The following PRRC2B variants were observed in gnomAD, a reference collection of about 807,000 sequenced individuals.
PRRC2B encodes the protein protein PRRC2B.
In PRRC2B, 68 loss-of-function variants were observed where a neutral mutation model predicts 242.3. That is an observed-to-expected ratio of 0.28 (90% confidence interval 0.23 to 0.34). The LOEUF (loss-of-function observed/expected upper bound fraction) is 0.34. Among genes scored for constraint, PRRC2B ranks in the 10% least tolerant of loss-of-function variants. PRRC2B has a pLI of 1.00. For synonymous variants in PRRC2B, 1,228 were observed against 1,173.6 expected, an observed-to-expected ratio of 1.05 and a Z score of -0.95; for missense variants, 2,835 against 2,954.8, an observed-to-expected ratio of 0.96 and a Z score of 0.94.
intron 1 of PRRC2B, among the ~76,000 whole-genome samples, chr9:131,397,563 GTTTTTTTTTTTT>G (rs58424444): frequency 1.0e-5 from 1 of 98,990 alleles, no homozygotes; most frequent in Non-Finnish European, 1.9e-5. Flanking sequence ...ACTTTTGAGG[GTTTTTTTTTTTT>G]TTTTTTTTTG....
At chr9:131,447,249 G>A (rs1378520088) in intron 8 of PRRC2B, 43 bp downstream of exon 8, 6 of 1,609,084 alleles carry the variant, frequency 3.7e-6, no homozygotes, top group South Asian at 2.2e-5. Flanking sequence ...AGATGAGTGC[G>A]GTGGTGATTC....
intron 12 of PRRC2B, among the ~76,000 whole-genome samples, chr9:131,466,537 A>G (rs1356683607): frequency 6.6e-6 from 1 of 152,132 alleles, no homozygotes; most frequent in Non-Finnish European, 1.5e-5. Flanking sequence ...AGGAAGTCAT[A>G]CACAGCATTT....
rs1262733658 is a variant in PRRC2B, at chr9:131,432,877, A to G, written c.293+83A>G. 4.2e-6 allele frequency: 6 copies of G among 1,438,614 alleles called. No individual in the cohort carries two copies. In the East Asian group the frequency reaches 9.2e-5, roughly 22 times the overall value. The allele number at this position is 1,438,614 out of a possible 1,614,324, so 89.1% of individuals were successfully genotyped here. The stretch of plus-strand genomic sequence containing the variant: ...TCCTTCCCTGTGGCAAACTAACCCT[A>G]ACCCTTTGGCTACTGCAGCGCTAGT... On this transcript the variant is annotated intron_variant, in intron 3 of 31. Coordinates refer to ENST00000683519, the MANE Select transcript of PRRC2B (RefSeq NM_013318.4).
intron 11 of PRRC2B, among the ~76,000 whole-genome samples, chr9:131,463,886 C>A (rs148349013): frequency 6.6e-6 from 1 of 151,344 alleles, no homozygotes; most frequent in Non-Finnish European, 1.5e-5. Context: ...CCCACGTTGG[C>A]CCCCACAAAG....
chr9:131,397,563 G>GTTTTTTTTTTTTTTTTTT (rs58424444), intron 1 of PRRC2B, among the ~76,000 whole-genome samples: 2 of 98,988 alleles, frequency 2.0e-5, no homozygotes, highest in African/African-American at 4.2e-5. Context: ...ACTTTTGAGG[G>GTTTTTTTTTTTTTTTTTT]TTTTTTTTTT....
chr9:131,395,152 G>T (rs944162790), intron 1 of PRRC2B, among the ~76,000 whole-genome samples: 2 of 152,024 alleles, frequency 1.3e-5, no homozygotes, highest in Non-Finnish European at 2.9e-5. Flanking sequence ...GGTGTTTTCA[G>T]TGGTGAGCTT....
chr9:131,461,306 C>T (rs1473228885), intron 11 of PRRC2B, among the ~76,000 whole-genome samples: 1 of 152,190 alleles, frequency 6.6e-6, no homozygotes, highest in African/African-American at 2.4e-5. Context: ...TCCCCCTCAT[C>T]TAGCTTGGGC....
At chr9:131,381,814 A>C (rs930293946) in intron 1 of PRRC2B, among the ~76,000 whole-genome samples, 2 of 151,364 alleles carry the variant, frequency 1.3e-5, no homozygotes, top group Non-Finnish European at 2.9e-5. Flanking sequence ...ATCCCAGCTC[A>C]CTGCAACCTC....
chr9:131,470,099 T>TC (rs1249121119), intron 13 of PRRC2B, among the ~76,000 whole-genome samples: 1 of 152,118 alleles, frequency 6.6e-6, no homozygotes, highest in Admixed American at 6.5e-5. Context: ...CCCAGTGTGT[T>TC]CCCGTGGCCT....
At chr9:131,445,466 A>T (rs547364836) in intron 6 of PRRC2B, among the ~76,000 whole-genome samples, 1 of 152,314 alleles carries the variant, frequency 6.6e-6, no homozygotes, top group Admixed American at 6.5e-5. Flanking sequence ...GCCTGTTTGC[A>T]TCATTTTAAG....
rs180921892 is a variant in PRRC2B at position 131,444,211 on chromosome 9, T to G, written c.496T>G (p.Ser166Ala). The change falls in exon 6 of 32, where the codon TCC (serine) becomes GCC (alanine). Residue 166 changes from serine to alanine, a missense_variant. Ser to Ala is a moderately conservative substitution (Grantham distance 99, BLOSUM62 1). Around this residue, in one of 7 missense-constraint regions of PRRC2B, gnomAD observed 626 missense variants for 685.5 expected, o/e 0.91. Coordinates refer to ENST00000683519, the MANE Select transcript of PRRC2B (RefSeq NM_013318.4). ...TTTAAGGGGCTCAAGCCGACTGTTA[T>G]CCTTCTCTCCCGAGGAATTTCCGAC... ...GGLRGSSRLLSFSPEEFPTLK... is the reference protein window; with the variant it reads ...GGLRGSSRLLAFSPEEFPTLK... The G allele has an allele frequency of 8.1e-6, 13 of 1,613,892 alleles. No individual in the cohort carries two copies. Among genetic ancestry groups the G allele is most frequent in the African/African-American group, 1.3e-5 (1 of 74,934 alleles).
At chr9:131,455,004 G>GAGCCACCACGTCC in intron 9 of PRRC2B, 72 bp from the exon 10 acceptor site, 1 of 1,184,964 alleles carries the variant, frequency 8.4e-7, no homozygotes, top group Non-Finnish European at 1.2e-6. Flanking sequence ...TTACAGGCAT[G>GAGCCACCACGTCC]AGCCACCACG....
intron 14 of PRRC2B, among the ~76,000 whole-genome samples, chr9:131,472,744 G>A (rs1249731437): frequency 6.6e-6 from 1 of 152,106 alleles, no homozygotes; most frequent in Non-Finnish European, 1.5e-5. Flanking sequence ...CTCCCAAAGT[G>A]CTGGGGTTAC....
At position 131,432,320 on chromosome 9, in the gene PRRC2B, C is replaced by T. The variant is rs371398030; in HGVS notation, c.116-297C>T. On this transcript the variant is annotated intron_variant, in intron 2 of 31. Coordinates refer to ENST00000683519, the MANE Select transcript of PRRC2B (RefSeq NM_013318.4). ...CTCTGTAAGCTGGAGGTTCCTGGGC[C>T]TGTCTCCTCACCCATGTTGTAAAGT... is the stretch of plus-strand genomic sequence containing the variant. Among the ~76,000 whole-genome samples the T allele has an allele frequency of 1.8e-4, 27 of 152,276 alleles. No individual in the cohort carries two copies. In the East Asian group the frequency reaches 5.2e-3, roughly 29 times the overall value.
chr9:131,456,279 A>G (rs1024789718), intron 10 of PRRC2B, among the ~76,000 whole-genome samples: 3 of 150,832 alleles, frequency 2.0e-5, no homozygotes, highest in African/African-American at 2.4e-5. Context: ...CCTTTAGAAA[A>G]TACTGCATTG....
chr9:131,425,369 A>G (rs897099604), intron 1 of PRRC2B, among the ~76,000 whole-genome samples: 2 of 152,152 alleles, frequency 1.3e-5, no homozygotes, highest in Non-Finnish European at 2.9e-5. Flanking sequence ...GGTGTGTGCC[A>G]GGTAGTTACA....
At chr9:131,418,907 G>C (rs1004770012) in intron 1 of PRRC2B, among the ~76,000 whole-genome samples, 1 of 152,230 alleles carries the variant, frequency 6.6e-6, no homozygotes, top group East Asian at 1.9e-4. Flanking sequence ...TAGTATTGCA[G>C]CGTGACAGCA....
intron 19 of PRRC2B, among the ~76,000 whole-genome samples, chr9:131,480,362 A>G (rs1174227435): frequency 6.6e-6 from 1 of 152,248 alleles, no homozygotes; most frequent in Non-Finnish European, 1.5e-5. Context: ...ACCATTTGAT[A>G]AAACATCAAT....
At position 131,484,708 on chromosome 9, in the gene PRRC2B, C is replaced by T; in HGVS notation, c.5483C>T (p.Pro1828Leu). The change falls in exon 24 of 32, where the codon CCC (proline) becomes CTC (leucine). Residue 1828 changes from proline to leucine, a missense_variant. This residue lies in a region of PRRC2B where 574 missense variants were observed against 626.0 expected (regional missense o/e 0.92). Coordinates refer to ENST00000683519, the MANE Select transcript of PRRC2B (RefSeq NM_013318.4). ...CAGGCAGGGTTAACACAGAGTATCC[C>T]CATCCTGCGGCGGGACCATCACATC... The part of the protein sequence containing the change: ...ASNAGLTQSI[P>L]ILRRDHHIQR... The T allele has an allele frequency of 6.2e-7, 1 of 1,612,384 alleles. No homozygotes were observed. The highest frequency in any genetic ancestry group is 1.1e-5 in the South Asian group (1 of 90,806).
Sources: gnomAD v4.1 joint callset for allele counts (sites outside exome capture counted in the v4.1 genomes callset) on GRCh38, gnomAD v4.1.1 for gene constraint, gnomAD v4.1.1 regional missense constraint, MANE v1.5 for transcripts, NCBI Gene and HGNC (gene_info 2026-07-23, HGNC 2026-07-21) for gene names.